The following SPOCK1 variants were observed in gnomAD, a reference collection of about 807,000 sequenced individuals.
SPOCK1 encodes the protein SPARC (osteonectin), cwcv and kazal like domains proteoglycan 1, also known as testican-1.
SPOCK1 carries 23 observed loss-of-function variants against 55.3 expected under a neutral mutation model. The ratio of observed to expected loss-of-function variants is 0.42; its 90% CI spans 0.30 to 0.59. The LOEUF is 0.59. SPOCK1 is among the 20% of genes least tolerant of loss of function. The pLI, the probability that SPOCK1 is intolerant of heterozygous loss-of-function variation, is 0.22. For synonymous variants in SPOCK1, 226 were observed against 221.0 expected (o/e 1.02, Z -0.20); for missense variants, 499 against 552.5 (o/e 0.90, Z 0.97).
At chr5:137,204,525 C>T (rs1237465219) in intron 3 of SPOCK1, among the ~76,000 whole-genome samples, 1 of 151,794 alleles carries the variant, frequency 6.6e-6, no homozygotes, top group East Asian at 1.9e-4. Flanking sequence ...CTTAAATTCA[C>T]CTCATTTCTC....
At chr5:137,324,631 A>T (rs1487975296) in intron 2 of SPOCK1, among the ~76,000 whole-genome samples, 1 of 152,226 alleles carries the variant, frequency 6.6e-6, no homozygotes, top group Non-Finnish European at 1.5e-5. Flanking sequence ...GAAGCAGAAG[A>T]AAAATGGAGC....
At chr5:137,030,793 C>G (rs1296150896) in intron 6 of SPOCK1, among the ~76,000 whole-genome samples, 2 of 152,120 alleles carry the variant, frequency 1.3e-5, no homozygotes, top group Non-Finnish European at 2.9e-5. Flanking sequence ...TGTAATAATG[C>G]TAACAAAATA....
chr5:137,089,455 A>G (rs1377374431), intron 5 of SPOCK1, among the ~76,000 whole-genome samples: 1 of 152,054 alleles, frequency 6.6e-6, no homozygotes, highest in African/African-American at 2.4e-5. Context: ...CAGCTACAAC[A>G]TGATAGCAGA....
Position 137,314,925 on chromosome 5 carries a change from A to G in SPOCK1, c.187-47870T>C, listed in dbSNP as rs953343740. ...TGTTTAAAACTGTCTGTCCACCTAC[A>G]TGCACCAGCTCAGTCTCAATACCCA... On this transcript the variant is annotated intron_variant, in intron 2 of 10. Transcript: ENST00000394945. Among the ~76,000 whole-genome samples the G allele has an allele frequency of 4.6e-5, 7 of 152,272 alleles. No homozygotes were observed. The South Asian group carries it at 1.5e-3, about 32-fold the overall frequency.
intron 2 of SPOCK1, among the ~76,000 whole-genome samples, chr5:137,342,985 A>G (rs2127156865): frequency 6.6e-6 from 1 of 152,378 alleles, no homozygotes; most frequent in Middle Eastern, 3.4e-3. Context: ...ATGCTAGATA[A>G]ATGATCTGAT....
intron 4 of SPOCK1, among the ~76,000 whole-genome samples, chr5:137,133,879 G>A (rs373405067): frequency 2.0e-5 from 3 of 151,438 alleles, no homozygotes; most frequent in African/African-American, 4.9e-5. Context: ...GTTGCTTTGC[G>A]AGGGGCAAGG....
intron 2 of SPOCK1, among the ~76,000 whole-genome samples, chr5:137,283,421 G>A (rs2127126512): frequency 6.6e-6 from 1 of 152,286 alleles, no homozygotes; most frequent in South Asian, 2.1e-4. Context: ...GGACACTTAA[G>A]AACTAGCAGA....
intron 2 of SPOCK1, among the ~76,000 whole-genome samples, chr5:137,356,141 C>T (rs1750788902): frequency 6.6e-6 from 1 of 152,206 alleles, no homozygotes; most frequent in African/African-American, 2.4e-5. Flanking sequence ...CTCCTTACAC[C>T]TGCTCTGCCT....
At chr5:137,095,573 G>C (rs1753132355) in intron 5 of SPOCK1, among the ~76,000 whole-genome samples, 1 of 152,180 alleles carries the variant, frequency 6.6e-6, no homozygotes, top group Non-Finnish European at 1.5e-5. Context: ...GTGGCTGTGA[G>C]GACCAGATAT....
At chr5:137,183,250 A>G (rs981838902) in intron 3 of SPOCK1, among the ~76,000 whole-genome samples, 1 of 152,210 alleles carries the variant, frequency 6.6e-6, no homozygotes, top group Non-Finnish European at 1.5e-5. Flanking sequence ...ATGAGCAGGC[A>G]CTAAGGTCCG....
At chr5:137,053,936 C>T (rs747665076) in intron 6 of SPOCK1, among the ~76,000 whole-genome samples, 1 of 152,126 alleles carries the variant, frequency 6.6e-6, no homozygotes, top group Non-Finnish European at 1.5e-5. Context: ...AATCAAATGG[C>T]TATGGGCTAG....
chr5:137,132,623 C>T (rs1030096127), intron 4 of SPOCK1, among the ~76,000 whole-genome samples: 5 of 152,180 alleles, frequency 3.3e-5, no homozygotes, highest in African/African-American at 7.2e-5. Context: ...TTCCCAGCTT[C>T]GCAGACGCTT....
At chr5:137,213,727 T>C (rs1755661151) in intron 3 of SPOCK1, among the ~76,000 whole-genome samples, 2 of 152,224 alleles carry the variant, frequency 1.3e-5, no homozygotes, top group Non-Finnish European at 2.9e-5. Flanking sequence ...TCTTGGAGTT[T>C]GAGTGAGACT....
chr5:137,266,922 T>C, intron 3 of SPOCK1, 88 bp downstream of exon 3: 1 of 1,177,204 alleles, frequency 8.5e-7, no homozygotes, highest in Non-Finnish European at 1.3e-6. Context: ...AGCTGGCCCT[T>C]GTGGGAACAT....
At chr5:137,296,027 C>G (rs1757472556) in intron 2 of SPOCK1, among the ~76,000 whole-genome samples, 1 of 152,126 alleles carries the variant, frequency 6.6e-6, no homozygotes. Context: ...TGTGAGGGCA[C>G]AGCCCTCATG....
intron 2 of SPOCK1, among the ~76,000 whole-genome samples, chr5:137,490,539 A>C (rs553071329): frequency 1.1e-4 from 16 of 152,284 alleles, no homozygotes; most frequent in Admixed American, 1.0e-3. Flanking sequence ...GGTGCCCATA[A>C]AGCCTGCCTG....
Position 137,172,470 on chromosome 5 carries a change from G to T in SPOCK1, c.233-31776C>A, listed in dbSNP as rs187305790. Among the ~76,000 whole-genome samples, 545 of 152,234 alleles carry T rather than the reference G, an allele frequency of 3.6e-3. 2 individuals are homozygous for T. Among genetic ancestry groups the T allele is most frequent in the African/African-American group, 8.0e-3 (332 of 41,540 alleles). On this transcript the variant is annotated intron_variant, in intron 3 of 10. Coordinates refer to ENST00000394945, the MANE Select transcript of SPOCK1 (RefSeq NM_004598.4). ...AATTATCCAGAGGCCCCTCTCCCCT[G>T]CAGGAAGATGAGCTCTCTGTGCATC...
intron 3 of SPOCK1, among the ~76,000 whole-genome samples, chr5:137,219,675 C>G (rs1227010250): frequency 6.6e-6 from 1 of 152,188 alleles, no homozygotes; most frequent in East Asian, 1.9e-4. Flanking sequence ...TGGCATAGTG[C>G]CTTTGCCCAA....
intron 6 of SPOCK1, among the ~76,000 whole-genome samples, chr5:137,022,458 T>C (rs1443812017): frequency 1.3e-5 from 2 of 152,180 alleles, no homozygotes; most frequent in African/African-American, 2.4e-5. Context: ...AATTTGTTAT[T>C]ATCTTGTCAC....
Sources: gnomAD v4.1 joint callset for allele counts (sites outside exome capture counted in the v4.1 genomes callset) on GRCh38, gnomAD v4.1.1 for gene constraint, MANE v1.5 for transcripts, NCBI Gene and HGNC (gene_info 2026-07-23, HGNC 2026-07-21) for gene names.